TCF7L1: variants seen among roughly 807,000 people sequenced by gnomAD.
TCF7L1 encodes the protein transcription factor 7 like 1.
A neutral mutation model predicts 63.7 loss-of-function variants in TCF7L1; 18 were observed. The ratio of observed to expected loss-of-function variants is 0.28; its 90% CI spans 0.20 to 0.42. TCF7L1 has a LOEUF of 0.42. TCF7L1 is among the 10% of genes least tolerant of loss of function. The pLI is 1.00. For synonymous variants in TCF7L1, 355 were observed against 340.9 expected (o/e 1.04, Z -0.46); for missense variants, 654 against 779.3 (o/e 0.84, Z 1.91).
intron 11 of TCF7L1, among the ~76,000 whole-genome samples, chr2:85,308,414 CCCTTCCCT>C (rs1682176841): frequency 7.1e-5 from 8 of 112,928 alleles, no homozygotes; most frequent in African/African-American, 4.1e-4. Context: ...CCTCCCTTTC[CCCTTCCCT>C]CCCTCCTTTT....
At chr2:85,263,535 G>A (rs1222199114) in intron 3 of TCF7L1, among the ~76,000 whole-genome samples, 1 of 152,298 alleles carries the variant, frequency 6.6e-6, no homozygotes, top group Admixed American at 6.5e-5. Context: ...TGATCCCCAA[G>A]GTTTGTACAA....
chr2:85,301,260 T>G (rs1453287491), intron 4 of TCF7L1, among the ~76,000 whole-genome samples: 2 of 152,224 alleles, frequency 1.3e-5, no homozygotes, highest in African/African-American at 2.4e-5. Flanking sequence ...ACAGCTGATA[T>G]GAATCCCAGC....
At position 85,303,929 on chromosome 2, in the gene TCF7L1, A is replaced by G. The variant is rs1682043917; in HGVS notation, c.693A>G (p.Ser231=). 6.2e-7 allele frequency: 1 copy of G among 1,612,750 alleles called. No homozygotes were observed. Among genetic ancestry groups the G allele is most frequent in the African/African-American group, 1.3e-5 (1 of 74,592 alleles). ...GGCCCCCTCACCCATCCGAGCTGTC[A>G]CCGTATTACCCACTCTCTCCCGGAG... ...IPRPPHPSEL[S]PYYPLSPGAV... The change falls in exon 6 of 12, where the codon TCA becomes TCG. Residue 231 remains serine (S), a synonymous_variant. Coordinates refer to ENST00000282111, the MANE Select transcript of TCF7L1 (RefSeq NM_031283.3).
intron 3 of TCF7L1, among the ~76,000 whole-genome samples, chr2:85,141,678 T>A (rs557174645): frequency 6.6e-6 from 1 of 152,160 alleles, no homozygotes; most frequent in Admixed American, 6.5e-5. Flanking sequence ...TGAAGATGAA[T>A]GGGAAAGAAG....
At chr2:85,198,734 G>A (rs1027846273) in intron 3 of TCF7L1, among the ~76,000 whole-genome samples, 6 of 152,260 alleles carry the variant, frequency 3.9e-5, no homozygotes, top group Middle Eastern at 3.4e-3. Context: ...GGTGGCACAC[G>A]CCTGTGGTCC....
intron 3 of TCF7L1, among the ~76,000 whole-genome samples, chr2:85,155,187 C>A (rs2104211165): frequency 6.6e-6 from 1 of 152,268 alleles, no homozygotes; most frequent in East Asian, 1.9e-4. Flanking sequence ...CGAATGGGTA[C>A]TTGGAGAACT....
chr2:85,256,844 G>A (rs1005825853), intron 3 of TCF7L1, among the ~76,000 whole-genome samples: 1 of 152,064 alleles, frequency 6.6e-6, no homozygotes, highest in Non-Finnish European at 1.5e-5. Flanking sequence ...TTAGCCGGGT[G>A]TGGTGGCGGG....
At chr2:85,230,185 T>G (rs1680045836) in intron 3 of TCF7L1, among the ~76,000 whole-genome samples, 1 of 152,228 alleles carries the variant, frequency 6.6e-6, no homozygotes, top group African/African-American at 2.4e-5. Flanking sequence ...ACTCCCCTGT[T>G]TCCTTGTTTT....
chr2:85,155,040 C>T (rs1411431927), intron 3 of TCF7L1, among the ~76,000 whole-genome samples: 1 of 152,172 alleles, frequency 6.6e-6, no homozygotes, highest in Non-Finnish European at 1.5e-5. Context: ...TAGTCTCAAA[C>T]TCCTGACCTT....
chr2:85,241,442 T>G (rs867269755), intron 3 of TCF7L1, among the ~76,000 whole-genome samples: 2,140 of 117,666 alleles, frequency 0.018, 34 homozygotes, highest in Middle Eastern at 0.039. Flanking sequence ...TTTTTGTTTT[T>G]TTTTTTTTTT....
At chr2:85,205,605 C>T (rs1400032392) in intron 3 of TCF7L1, among the ~76,000 whole-genome samples, 3 of 151,572 alleles carry the variant, frequency 2.0e-5, no homozygotes, top group East Asian at 1.9e-4. Flanking sequence ...AATCTTGGCT[C>T]GCTGCAGCCT....
At chr2:85,302,089 C>T (rs1170208286) in intron 4 of TCF7L1, among the ~76,000 whole-genome samples, 6 of 152,236 alleles carry the variant, frequency 3.9e-5, no homozygotes, top group East Asian at 1.9e-4. Flanking sequence ...GATCATGCTA[C>T]TGCACTCCAG....
In TCF7L1 at chr2:85,133,810, G is replaced by A. The variant is rs750864523; in HGVS notation, c.126G>A (p.Gln42=). Residue 42 remains glutamine (Q), a synonymous_variant, in exon 1 of 12, where the codon CAG becomes CAA. Transcript: ENST00000282111. The surrounding 1 kb of genome is among the most constrained non-coding windows in gnomAD (Gnocchi z 4.4). The part of the protein sequence containing the change: ...LGANDELIPF[Q]DEGGEEQEPS... ...CGAACGACGAGCTGATCCCCTTCCA[G>A]GACGAGGGGGGCGAGGAGCAGGAGC... 9 of 1,466,088 alleles carry A rather than the reference G, an allele frequency of 6.1e-6. No homozygotes were observed. In the East Asian group the frequency reaches 2.6e-4, roughly 43 times the overall value. 90.8% of individuals were successfully genotyped at this position (1,466,088 alleles called of 1,614,324 possible).
At chr2:85,138,273 C>T (rs988573437) in intron 3 of TCF7L1, among the ~76,000 whole-genome samples, 1 of 152,086 alleles carries the variant, frequency 6.6e-6, no homozygotes, top group Non-Finnish European at 1.5e-5. Flanking sequence ...CCTTTATATC[C>T]CACTGCTTCC....
chr2:85,268,529 A>G (rs1388890802), intron 3 of TCF7L1, among the ~76,000 whole-genome samples: 2 of 139,742 alleles, frequency 1.4e-5, no homozygotes, highest in African/African-American at 5.3e-5. Flanking sequence ...GCTGGAGTGC[A>G]GTGGCACGAT....
Position 85,306,637 on chromosome 2 carries a change from A to G in TCF7L1, c.1257+78A>G. ...AAGAGGAGGAAGGGTGAAGGAAAGC[A>G]ACTGCATTTATTTTTATTTATTTTA... On this transcript the variant is annotated intron_variant, in intron 10 of 11. Coordinates refer to ENST00000282111, the MANE Select transcript of TCF7L1 (RefSeq NM_031283.3). The surrounding 1 kb of genome is among the most constrained non-coding windows in gnomAD (Gnocchi z 4.3). 9.2e-7 allele frequency: 1 copy of G among 1,091,232 alleles called. No individual in the cohort carries two copies. The highest frequency in any genetic ancestry group is 1.3e-6 in the Non-Finnish European group (1 of 748,766). The allele number at this position is 1,091,232 out of a possible 1,614,324, so 67.6% of individuals were successfully genotyped here. A position where few individuals can be genotyped will look rare whatever the true frequency, so the allele number is the denominator to read the frequency against.
At position 85,288,671 on chromosome 2, in the gene TCF7L1, C is replaced by G. The variant is rs542265070; in HGVS notation, c.525+5093C>G. Among the ~76,000 whole-genome samples the G allele has an allele frequency of 2.0e-5, 3 of 152,134 alleles. No individual in the cohort carries two copies. The South Asian group carries it at 6.2e-4, about 31-fold the overall frequency. ...TGTCTAAGCAAGTCACAACTGGGCC[C>G]GGGTGCGGGATGAAGTTAAGTGCTT... On this transcript the variant is annotated intron_variant, in intron 4 of 11. Coordinates refer to ENST00000282111, the MANE Select transcript of TCF7L1 (RefSeq NM_031283.3).
intron 3 of TCF7L1, among the ~76,000 whole-genome samples, chr2:85,170,197 G>C (rs1448521234): frequency 1.3e-5 from 2 of 152,166 alleles, no homozygotes; most frequent in Non-Finnish European, 2.9e-5. Context: ...GTGGAGACTG[G>C]AGCTGACTTT....
Position 85,133,713 on chromosome 2 carries a change from GC to G in TCF7L1, c.30del (p.Gly11AlafsTer28). 1.8e-6 allele frequency: 2 copies of G among 1,121,764 alleles called. No homozygotes were observed. The highest frequency in any genetic ancestry group is 8.6e-5 in the South Asian group (2 of 23,386). 69.5% of individuals were successfully genotyped at this position (1,121,764 alleles called of 1,614,324 possible). The part of the protein sequence containing the change: MPQLGGGGG[G>X]GGGGSGGGGG... ...CCCCAGCTCGGCGGCGGGGGCGGCG[GC>G]GGCGGCGGCGGCAGCGGGGGAGGCG... is the stretch of plus-strand genomic sequence containing the variant. On this transcript the variant is annotated frameshift_variant, in exon 1 of 12. Transcript: ENST00000282111. LOFTEE classifies it high-confidence loss of function. This position sits in a 1 kb window ranked among gnomAD's most constrained non-coding sequence, Gnocchi z 4.4.
Sources: gnomAD v4.1 joint callset for allele counts (sites outside exome capture counted in the v4.1 genomes callset) on GRCh38, gnomAD v4.1.1 for gene constraint, Gnocchi (gnomAD v3.1) non-coding constraint, MANE v1.5 for transcripts, NCBI Gene and HGNC (gene_info 2026-07-23, HGNC 2026-07-21) for gene names.